OR3A2: variants seen among roughly 807,000 people sequenced by gnomAD.
OR3A2 encodes olfactory receptor family 3 subfamily A member 2.
For missense variants in OR3A2, 318 were observed against 392.8 expected, an observed-to-expected ratio of 0.81 and a Z score of 1.61; for synonymous variants, 126 against 159.3, an observed-to-expected ratio of 0.79 and a Z score of 1.57.
chr17:3,322,771 T>C (rs1235172376), intron 3 of OR3A2, among the ~76,000 whole-genome samples: 1 of 152,204 alleles, frequency 6.6e-6, no homozygotes, highest in East Asian at 1.9e-4. Context: ...TTACATTTGC[T>C]GAGGAGTGCT....
At chr17:3,309,977 T>C (rs2049028316) in intron 3 of OR3A2, 1 of 212,244 alleles carries the variant, frequency 4.7e-6, no homozygotes, top group African/African-American at 2.3e-5. Context: ...GACTTGGGGT[T>C]TCCTCCCAGA....
intron 2 of OR3A2, among the ~76,000 whole-genome samples, chr17:3,350,136 A>G (rs2049406455): frequency 6.6e-6 from 1 of 151,736 alleles, no homozygotes. Context: ...GAAAAGCAAG[A>G]GCAAACACTT....
chr17:3,349,747 C>T (rs1298965311), intron 2 of OR3A2, among the ~76,000 whole-genome samples: 12 of 151,074 alleles, frequency 7.9e-5, no homozygotes, highest in African/African-American at 2.9e-4. Context: ...CAGCACCACA[C>T]CACACCTATT....
At chr17:3,346,141 C>A (rs947380117) in intron 2 of OR3A2, among the ~76,000 whole-genome samples, 1 of 152,168 alleles carries the variant, frequency 6.6e-6, no homozygotes, top group African/African-American at 2.4e-5. Context: ...CAGGACATTT[C>A]ACTTAACATA....
rs556096018 is a variant in OR3A2 at position 3,309,759 on chromosome 17, G to A, written c.-85+26274C>T. On this transcript the variant is annotated intron_variant, in intron 3 of 4. Transcript: ENST00000573491. ...ATTTCGCTTTTTTTCTGAAATGTCC[G>A]GACCAAATCTCATGGCCTCGCATGT... Among the ~76,000 whole-genome samples the A allele has an allele frequency of 3.9e-4, 60 of 152,130 alleles. No homozygotes were observed. In the East Asian group the frequency reaches 6.0e-3, roughly 15 times the overall value.
chr17:3,320,560 G>A (rs529783098), intron 3 of OR3A2, among the ~76,000 whole-genome samples: 6 of 131,080 alleles, frequency 4.6e-5, no homozygotes, highest in Admixed American at 2.5e-4. Context: ...TTTGTATAAG[G>A]TGTAAGGAAG....
chr17:3,281,482 C>T (rs368708359), intron 1 of OR3A2, among the ~76,000 whole-genome samples: 4 of 152,220 alleles, frequency 2.6e-5, no homozygotes, highest in African/African-American at 2.4e-5. Context: ...GATCCACCCG[C>T]CTCAGCCTCC....
chr17:3,367,319 G>C (rs1370229925), intron 2 of OR3A2, among the ~76,000 whole-genome samples: 1 of 152,106 alleles, frequency 6.6e-6, no homozygotes, highest in Non-Finnish European at 1.5e-5. Flanking sequence ...TCACCAAGCA[G>C]TGAACACTGT....
At chr17:3,340,432 G>C (rs1185112097) in intron 2 of OR3A2, among the ~76,000 whole-genome samples, 1 of 152,146 alleles carries the variant, frequency 6.6e-6, no homozygotes, top group Admixed American at 6.6e-5. Flanking sequence ...TTTACACACT[G>C]CTTTAAATGT....
At position 3,278,711 on chromosome 17, in the gene OR3A2, C is replaced by T. The variant is rs200048826; in HGVS notation, c.207G>A (p.Leu69=). ...TGATACATCCGACATCCAGCACTGA[C>T]AGGTTCCCCAGGAAGAAGTACATGG... The change falls in exon 2 of 2, where the codon CTG becomes CTA. Residue 69 remains leucine (L), a synonymous_variant. Coordinates refer to ENST00000642052, the Ensembl canonical transcript of OR3A2. 183 of 1,323,974 alleles carry T rather than the reference C, an allele frequency of 1.4e-4. 1 individual carries two copies. The highest frequency in any genetic ancestry group is 8.3e-4 in the East Asian group (33 of 39,972). The allele number at this position is 1,323,974 out of a possible 1,614,324, so 82.0% of individuals were successfully genotyped here. A position where few individuals can be genotyped will look rare whatever the true frequency, so the allele number is the denominator to read the frequency against.
intron 3 of OR3A2, among the ~76,000 whole-genome samples, chr17:3,330,296 A>G (rs139987147): frequency 0.14 from 20,617 of 147,954 alleles, 1,944 homozygotes; most frequent in African/African-American, 0.26. Context: ...TGATCTGTCT[A>G]ATGTTGACAA....
downstream of OR3A2, among the ~76,000 whole-genome samples, chr17:3,276,450 A>G (rs545178956): frequency 6.6e-6 from 1 of 152,366 alleles, no homozygotes; most frequent in South Asian, 2.1e-4. Flanking sequence ...GGTGCAGTGA[A>G]GGAACATTTG....
intron 3 of OR3A2, among the ~76,000 whole-genome samples, chr17:3,333,014 A>G (rs1456941703): frequency 6.6e-6 from 1 of 152,210 alleles, no homozygotes; most frequent in Admixed American, 6.5e-5. Flanking sequence ...TGCCTGCAGG[A>G]TTGGGCAGAA....
rs539191821 is a variant in OR3A2 at position 3,364,708 on chromosome 17, A to G, written c.-179+19096T>C. Among the ~76,000 whole-genome samples, 363 of 152,320 alleles carry G rather than the reference A, an allele frequency of 2.4e-3. 2 individuals carry two copies. Among genetic ancestry groups the G allele is most frequent in the African/African-American group, 6.5e-3 (269 of 41,572 alleles). On this transcript the variant is annotated intron_variant, in intron 2 of 4. Coordinates refer to the OR3A2 transcript ENST00000573491. ...TTTTGGAACAGAAATTAAAAACCAG[A>G]ATTACCATATGATCCAGCAATCTCA...
intron 2 of OR3A2, among the ~76,000 whole-genome samples, chr17:3,366,234 T>C (rs162261): frequency 3.3e-5 from 5 of 152,174 alleles, no homozygotes; most frequent in Admixed American, 6.5e-5. Context: ...AGAATGGACA[T>C]AGAGTGGCCA....
intron 3 of OR3A2, among the ~76,000 whole-genome samples, chr17:3,333,785 A>T (rs915071348): frequency 6.6e-6 from 1 of 152,236 alleles, no homozygotes; most frequent in Non-Finnish European, 1.5e-5. Flanking sequence ...GCTTCTGCAC[A>T]GCAAGATAAA....
intron 3 of OR3A2, among the ~76,000 whole-genome samples, chr17:3,301,052 T>C (rs1483475215): frequency 6.6e-6 from 1 of 152,248 alleles, no homozygotes; most frequent in Non-Finnish European, 1.5e-5. Flanking sequence ...TAGTATTTCA[T>C]GGTGTATATG....
intron 3 of OR3A2, among the ~76,000 whole-genome samples, chr17:3,315,762 G>C (rs1433684182): frequency 3.5e-5 from 3 of 84,510 alleles, no homozygotes; most frequent in African/African-American, 6.5e-5. Context: ...GGGGGGGGGG[G>C]CGGTAGTAAG....
chr17:3,348,801 A>C (rs905393111), intron 2 of OR3A2, among the ~76,000 whole-genome samples: 2 of 152,220 alleles, frequency 1.3e-5, no homozygotes, highest in African/African-American at 2.4e-5. Context: ...GTTACCCACA[A>C]AGGGAAGCCC....
Sources: allele counts gnomAD v4.1 joint callset (sites outside exome capture counted in the v4.1 genomes callset), GRCh38; gene constraint gnomAD v4.1.1; transcripts MANE v1.5; gene names NCBI Gene and HGNC (gene_info 2026-07-23, HGNC 2026-07-21).